The following ANK3 variants were observed in gnomAD, a reference collection of about 807,000 sequenced individuals.
ANK3 encodes ankyrin-3.
In ANK3, 57 loss-of-function variants were observed where a neutral mutation model predicts 370.9. The ratio of observed to expected loss-of-function variants is 0.15; its 90% CI spans 0.12 to 0.19. ANK3 has a LOEUF of 0.19. Ranked by LOEUF, ANK3 falls within the 10% of genes least tolerant of loss-of-function variation. The probability of loss-of-function intolerance (pLI) is 1.00; values close to 1 mark genes in which losing one functional copy is unlikely to be tolerated. For missense variants in ANK3, 4,439 were observed against 5,302.1 expected (o/e 0.84, Z 5.06); for synonymous variants, 1,929 against 1,946.3 (o/e 0.99, Z 0.23).
At chr10:60,673,499 T>C (rs2079087370) in intron 1 of ANK3, among the ~76,000 whole-genome samples, 1 of 151,936 alleles carries the variant, frequency 6.6e-6, no homozygotes, top group Non-Finnish European at 1.5e-5. Flanking sequence ...TACAGGTGCC[T>C]GCCACCACAC....
chr10:60,538,858 C>T (rs10821792), intron 2 of ANK3, among the ~76,000 whole-genome samples: 13,359 of 151,876 alleles, frequency 0.088, 1,151 homozygotes, highest in East Asian at 0.31. Flanking sequence ...AAATTATAAG[C>T]TCTATGCCAT....
chr10:60,069,161 A>G lies in ANK3; in HGVS notation c.11720T>C (p.Val3907Ala), dbSNP rs780383183. ...KTKALTTSSC[V>A]DVKSRIPVKN... The stretch of plus-strand genomic sequence containing the variant: ...CACTGGAATTCTGGACTTTACATCT[A>G]CACATGAAGAAGTAGTAAGGGCTTT... The change falls in exon 37 of 44, where the codon GTA becomes GCA. Residue 3907 changes from valine to alanine, a missense_variant. Physicochemically the swap from Val to Ala is moderately conservative, Grantham distance 64 (BLOSUM62 0). Around this residue, in one of 13 missense-constraint regions of ANK3, gnomAD observed 496 missense variants for 529.3 expected, o/e 0.94. Transcript: ENST00000280772. 13 of 1,614,070 alleles carry G rather than the reference A, an allele frequency of 8.1e-6. No individual in the cohort carries two copies. The highest frequency in any genetic ancestry group is 1.6e-4 in the Middle Eastern group (1 of 6,084).
At chr10:60,322,687 G>T (rs899599089) in intron 1 of ANK3, among the ~76,000 whole-genome samples, 6 of 151,922 alleles carry the variant, frequency 3.9e-5, no homozygotes, top group African/African-American at 1.2e-4. Context: ...GGCATTGAGG[G>T]TACAGTGACA....
At chr10:60,031,035 A>T (rs2073372524) in intron 43 of ANK3, among the ~76,000 whole-genome samples, 1 of 152,180 alleles carries the variant, frequency 6.6e-6, no homozygotes, top group Admixed American at 6.5e-5. Flanking sequence ...TGGGACTTCC[A>T]TGAGCAGAAA....
chr10:60,220,816 C>T (rs2097037859), intron 8 of ANK3, among the ~76,000 whole-genome samples: 2 of 152,308 alleles, frequency 1.3e-5, no homozygotes, highest in Middle Eastern at 3.4e-3. Context: ...GGCCACCAGT[C>T]ACTGATATTT....
intron 2 of ANK3, among the ~76,000 whole-genome samples, chr10:60,408,440 C>G (rs184687843): frequency 2.3e-4 from 35 of 152,254 alleles, no homozygotes; most frequent in Admixed American, 1.8e-3. Flanking sequence ...TCCTCCTGAT[C>G]CAGCCATGTG....
At chr10:60,370,197 A>T (rs2132779933) in intron 1 of ANK3, among the ~76,000 whole-genome samples, 1 of 152,310 alleles carries the variant, frequency 6.6e-6, no homozygotes, top group African/African-American at 2.4e-5. Context: ...AAGCATTCTT[A>T]CATCTAAGTG....
chr10:60,247,707 G>A (rs111688883), intron 7 of ANK3, among the ~76,000 whole-genome samples: 160 of 151,958 alleles, frequency 1.1e-3, no homozygotes, highest in African/African-American at 3.7e-3. Flanking sequence ...TCACTCTGCC[G>A]CCCAGGCTGG....
At chr10:60,303,547 C>A (rs2132813774) in intron 1 of ANK3, among the ~76,000 whole-genome samples, 1 of 152,150 alleles carries the variant, frequency 6.6e-6, no homozygotes, top group Admixed American at 6.5e-5. Context: ...GCTATGACCT[C>A]ACACCACTTA....
At chr10:60,191,250 T>C (rs567809228) in intron 16 of ANK3, among the ~76,000 whole-genome samples, 5 of 151,896 alleles carry the variant, frequency 3.3e-5, no homozygotes, top group Admixed American at 2.6e-4. Context: ...TTAAGTAAAC[T>C]AAAAAGCTTC....
chr10:60,165,569 T>C (rs915440619), intron 23 of ANK3, among the ~76,000 whole-genome samples: 4 of 152,278 alleles, frequency 2.6e-5, no homozygotes, highest in East Asian at 3.9e-4. Context: ...AAGTCATTGA[T>C]TGGATAACGA....
chr10:60,514,573 C>T (rs546286366), intron 2 of ANK3, among the ~76,000 whole-genome samples: 29 of 152,222 alleles, frequency 1.9e-4, no homozygotes, highest in African/African-American at 7.0e-4. Flanking sequence ...AAGCTCTTTT[C>T]TATTTGAGTT....
chr10:60,187,322 A>AT (rs1260409398), intron 16 of ANK3, among the ~76,000 whole-genome samples: 3 of 151,494 alleles, frequency 2.0e-5, no homozygotes, highest in Non-Finnish European at 4.4e-5. Context: ...TGCCCGGCTA[A>AT]TTTTTTGTAT....
intron 1 of ANK3, among the ~76,000 whole-genome samples, chr10:60,316,898 C>T (rs183875996): frequency 0.029 from 4,442 of 152,144 alleles, 140 homozygotes; most frequent in African/African-American, 0.08. Flanking sequence ...AGGCGCCCGC[C>T]ACCACGCCCA....
chr10:60,344,329 G>A (rs2054927193), intron 1 of ANK3, among the ~76,000 whole-genome samples: 1 of 152,128 alleles, frequency 6.6e-6, no homozygotes, highest in South Asian at 2.1e-4. Flanking sequence ...AGACAAATGT[G>A]ATCTGAAAAG....
intron 23 of ANK3, among the ~76,000 whole-genome samples, chr10:60,143,442 C>T (rs2094660430): frequency 6.6e-6 from 1 of 152,090 alleles, no homozygotes; most frequent in South Asian, 2.1e-4. Context: ...TGTGTATAAG[C>T]CAACCAAGGT....
At chr10:60,203,755 A>C (rs1591684528) in intron 11 of ANK3, among the ~76,000 whole-genome samples, 1 of 152,248 alleles carries the variant, frequency 6.6e-6, no homozygotes, top group Admixed American at 6.5e-5. Flanking sequence ...ATAAATGTAC[A>C]TAGACCCCAG....
At chr10:60,119,857 A>G (rs2093357007) in intron 25 of ANK3, among the ~76,000 whole-genome samples, 1 of 152,186 alleles carries the variant, frequency 6.6e-6, no homozygotes, top group Non-Finnish European at 1.5e-5. Context: ...AGTGTTAAAT[A>G]TTGTTAAATA....
chr10:60,642,220 G>A (rs1289382656), intron 1 of ANK3, among the ~76,000 whole-genome samples: 1 of 151,532 alleles, frequency 6.6e-6, no homozygotes, highest in Non-Finnish European at 1.5e-5. Flanking sequence ...GGAAGTCAGT[G>A]TGGTGATTCC....
Sources: allele counts gnomAD v4.1 joint callset (sites outside exome capture counted in the v4.1 genomes callset), GRCh38; gene constraint gnomAD v4.1.1; regional missense constraint gnomAD v4.1.1; transcripts MANE v1.5; gene names NCBI Gene and HGNC (gene_info 2026-07-23, HGNC 2026-07-21).